The following PEA15 variants were observed in gnomAD, a reference collection of about 807,000 sequenced individuals.
PEA15 encodes the protein proliferation and apoptosis adaptor protein 15, also known as astrocytic phosphoprotein PEA-15.
For synonymous variants in PEA15, 60 were observed against 61.8 expected, an observed-to-expected ratio of 0.97 and a Z score of 0.13; for missense variants, 77 against 161.3, an observed-to-expected ratio of 0.48 and a Z score of 2.83.
chr1:160,211,211 C>T (rs573730114), intron 1 of PEA15: 31 of 819,472 alleles, frequency 3.8e-5, no homozygotes, highest in African/African-American at 5.5e-5. Context: ...GTGAGAAAGT[C>T]GGGAGCAGGT....
chr1:160,205,435 G>GGGA lies in PEA15; in HGVS notation c.-89_-88insGAG. On this transcript the variant is annotated 5_prime_UTR_variant, in exon 1 of 4. Coordinates refer to ENST00000360472, the MANE Select transcript of PEA15 (RefSeq NM_003768.5). This position sits in a 1 kb window ranked among gnomAD's most constrained non-coding sequence, Gnocchi z 5.9. ...CGGCGGCAGAAGCGGCGGCGGCGGC[G>GGGA]GCGGGAGCCGAGGAGGAGGTTCCGG... 1 of 190,514 alleles carries GGGA rather than the reference G, an allele frequency of 5.2e-6. No homozygotes were observed. Among genetic ancestry groups the GGGA allele is most frequent in the Non-Finnish European group, 1.0e-5 (1 of 96,940 alleles). The allele number at this position is 190,514 out of a possible 1,614,324, so 11.8% of individuals were successfully genotyped here. A position where few individuals can be genotyped will look rare whatever the true frequency, so the allele number is the denominator to read the frequency against.
In PEA15 at chr1:160,213,214, G is replaced by T; in HGVS notation, c.277G>T (p.Asp93Tyr). ...RTRVLKISEE[D>Y]ELDTKLTRIP... ...CCGTGTGCTGAAGATCTCTGAGGAG[G>T]ATGAGCTGGACACCAAGCTAACCCG... Residue 93 changes from aspartate (D) to tyrosine (Y), a missense_variant, in exon 3 of 4, where the codon GAT becomes TAT. Physicochemically the swap from Asp to Tyr is radical, Grantham distance 160. Coordinates refer to ENST00000360472, the MANE Select transcript of PEA15 (RefSeq NM_003768.5). This position sits in a 1 kb window ranked among gnomAD's most constrained non-coding sequence, Gnocchi z 5.3. 6.2e-7 allele frequency: 1 copy of T among 1,614,216 alleles called. No homozygotes were observed. The highest frequency in any genetic ancestry group is 8.5e-7 in the Non-Finnish European group (1 of 1,180,020).
At chr1:160,211,824 T>A in intron 2 of PEA15, 108 bp downstream of exon 2, 1 of 1,020,144 alleles carries the variant, frequency 9.8e-7, no homozygotes, top group Non-Finnish European at 1.4e-6. Context: ...TACCCCTCTA[T>A]AGCAAGGCAG....
chr1:160,211,462 G>A, intron 1 of PEA15, 81 bp from the exon 2 acceptor site: 1 of 1,455,022 alleles, frequency 6.9e-7, no homozygotes, highest in Non-Finnish European at 9.3e-7. Context: ...AGAGTGGGGA[G>A]TAGGAGGGTA....
rs1172289002 is a variant in PEA15, at chr1:160,214,346, C to A, written c.*860C>A. Reference sequence around the variant, plus strand: ...GTCCCAACTTGGTTATTGTAGGCAACCTTCCCTCTCTCCTTGGTGAAGAAC... The same window carrying A: ...GTCCCAACTTGGTTATTGTAGGCAAACTTCCCTCTCTCCTTGGTGAAGAAC... On this transcript the variant is annotated 3_prime_UTR_variant, in exon 4 of 4. Transcript: ENST00000360472. The A allele has an allele frequency of 6.6e-6, 1 of 152,638 alleles. No homozygotes were observed. The highest frequency in any genetic ancestry group is 1.9e-4 in the East Asian group (1 of 5,192). 9.5% of individuals were successfully genotyped at this position (152,638 alleles called of 1,614,324 possible).
Position 160,213,035 on chromosome 1 carries a change from G to A in PEA15, c.173-75G>A, listed in dbSNP as rs1654940421. On this transcript the variant is annotated intron_variant, in intron 2 of 3. Transcript: ENST00000360472. The surrounding 1 kb of genome is among the most constrained non-coding windows in gnomAD (Gnocchi z 5.3). ...TGTCAGCAACTCAGCTTTGGTTCCA[G>A]GTCACTAGTCTGGTGGAGTAGGGGA... The A allele has an allele frequency of 1.3e-6, 2 of 1,510,922 alleles. No individual in the cohort carries two copies. Among genetic ancestry groups the A allele is most frequent in the East Asian group, 4.5e-5 (2 of 44,142 alleles). The allele number at this position is 1,510,922 out of a possible 1,614,324, so 93.6% of individuals were successfully genotyped here.
chr1:160,213,191 G>T lies in PEA15; in HGVS notation c.254G>T (p.Arg85Leu). ...LLTMVVDYRT[R>L]VLKISEEDEL... The stretch of plus-strand genomic sequence containing the variant: ...ACTATGGTGGTTGACTACAGAACCC[G>T]TGTGCTGAAGATCTCTGAGGAGGAT... The change falls in exon 3 of 4, where the codon CGT becomes CTT. Residue 85 changes from arginine (R) to leucine (L), a missense_variant. Transcript: ENST00000360472. This position sits in a 1 kb window ranked among gnomAD's most constrained non-coding sequence, Gnocchi z 5.3. 1 of 1,614,142 alleles carries T rather than the reference G, an allele frequency of 6.2e-7. No individual in the cohort carries two copies. Among genetic ancestry groups the T allele is most frequent in the Non-Finnish European group, 8.5e-7 (1 of 1,180,008 alleles).
rs1366721431 is a variant in PEA15 at position 160,208,472 on chromosome 1, C to G, written c.-3+2950C>G. 1.3e-6 allele frequency: 1 copy of G among 798,626 alleles called. No individual in the cohort carries two copies. The highest frequency in any genetic ancestry group is 2.0e-6 in the Non-Finnish European group (1 of 489,786). The allele number at this position is 798,626 out of a possible 1,614,324, so 49.5% of individuals were successfully genotyped here. On this transcript the variant is annotated intron_variant, in intron 1 of 3. Coordinates refer to ENST00000360472, the MANE Select transcript of PEA15 (RefSeq NM_003768.5). The surrounding 1 kb of genome is among the most constrained non-coding windows in gnomAD (Gnocchi z 4.1). ...TGGTATCCTGTCCCAAGAATGGCCT[C>G]CGCCCAGACTGCCTGGTGATCCCTG...
chr1:160,208,502 G>T lies in PEA15; in HGVS notation c.-3+2980G>T. The T allele has an allele frequency of 9.4e-7, 1 of 1,067,164 alleles. No individual in the cohort carries two copies. 66.1% of individuals were successfully genotyped at this position (1,067,164 alleles called of 1,614,324 possible). ...CAGACTGCCTGGTGATCCCTGAGCA[G>T]CTCTCTGCACTGCTCCAGAAATCAG... On this transcript the variant is annotated intron_variant, in intron 1 of 3. Coordinates refer to ENST00000360472, the MANE Select transcript of PEA15 (RefSeq NM_003768.5). This position sits in a 1 kb window ranked among gnomAD's most constrained non-coding sequence, Gnocchi z 4.1.
In PEA15 at chr1:160,213,408, C is replaced by G. The variant is rs1007155040; in HGVS notation, c.329-14C>G. 1.9e-6 allele frequency: 3 copies of G among 1,613,968 alleles called. No individual in the cohort carries two copies. The highest frequency in any genetic ancestry group is 2.7e-5 in the African/African-American group (2 of 74,910). ...CACACTGCTGTCCCTGGACACATAC[C>G]TTTTTGCCCCCAGACATTATCCGGC... is the stretch of plus-strand genomic sequence containing the variant. On this transcript the variant is annotated splice_polypyrimidine_tract_variant and intron_variant, in intron 3 of 3. Coordinates refer to ENST00000360472, the MANE Select transcript of PEA15 (RefSeq NM_003768.5). The surrounding 1 kb of genome is among the most constrained non-coding windows in gnomAD (Gnocchi z 5.3).
In PEA15 at chr1:160,205,679, G is replaced by C. The variant is rs535000212; in HGVS notation, c.-3+157G>C. The C allele has an allele frequency of 2.0e-5, 3 of 152,448 alleles. No homozygotes were observed. Among genetic ancestry groups the C allele is most frequent in the South Asian group, 2.1e-4 (1 of 4,836 alleles). The allele number at this position is 152,448 out of a possible 1,614,324, so 9.4% of individuals were successfully genotyped here. ...TCAGGCCTCACGGGGTCCGTCCCTCGGTCGGTGCGTCCCGAGCGCCGAGCG... is the reference window on the plus strand; with the variant it reads ...TCAGGCCTCACGGGGTCCGTCCCTCCGTCGGTGCGTCCCGAGCGCCGAGCG... On this transcript the variant is annotated intron_variant, in intron 1 of 3. Transcript: ENST00000360472. This position sits in a 1 kb window ranked among gnomAD's most constrained non-coding sequence, Gnocchi z 5.9.
chr1:160,208,547 G>A lies in PEA15; in HGVS notation c.-2-2996G>A. The stretch of plus-strand genomic sequence containing the variant: ...AATCAGGAGGATTTTTCAGAGCCCA[G>A]AGAGCAGATTTCTCCACGAGCCCTA... On this transcript the variant is annotated intron_variant, in intron 1 of 3. Coordinates refer to ENST00000360472, the MANE Select transcript of PEA15 (RefSeq NM_003768.5). This position sits in a 1 kb window ranked among gnomAD's most constrained non-coding sequence, Gnocchi z 4.1. The A allele has an allele frequency of 1.4e-6, 2 of 1,443,650 alleles. No homozygotes were observed. Among genetic ancestry groups the A allele is most frequent in the Non-Finnish European group, 9.5e-7 (1 of 1,049,656 alleles). The allele number at this position is 1,443,650 out of a possible 1,614,324, so 89.4% of individuals were successfully genotyped here.
chr1:160,214,006 T>G lies in PEA15; in HGVS notation c.*520T>G, dbSNP rs1654990494. The G allele has an allele frequency of 6.0e-6, 1 of 167,688 alleles. No homozygotes were observed. Among genetic ancestry groups the G allele is most frequent in the African/African-American group, 2.4e-5 (1 of 41,678 alleles). 10.4% of individuals were successfully genotyped at this position (167,688 alleles called of 1,614,324 possible). Reference sequence around the variant, plus strand: ...CCATGTTTGTACTCCTGTGCTGGACTGTTTCCTGAGTACCAGCAGGTCCCT... The same window carrying G: ...CCATGTTTGTACTCCTGTGCTGGACGGTTTCCTGAGTACCAGCAGGTCCCT... On this transcript the variant is annotated 3_prime_UTR_variant, in exon 4 of 4. Coordinates refer to ENST00000360472, the MANE Select transcript of PEA15 (RefSeq NM_003768.5).
Position 160,214,613 on chromosome 1 carries a change from T to C in PEA15, c.*1127T>C, listed in dbSNP as rs1275620662. On this transcript the variant is annotated 3_prime_UTR_variant, in exon 4 of 4. Coordinates refer to ENST00000360472, the MANE Select transcript of PEA15 (RefSeq NM_003768.5). Reference sequence around the variant, plus strand: ...ACTGTGTGTACATATATATTCTACATATATGTATATTAAAACTGCACTGCC... The same window carrying C: ...ACTGTGTGTACATATATATTCTACACATATGTATATTAAAACTGCACTGCC... The C allele has an allele frequency of 6.6e-6, 1 of 152,612 alleles. No homozygotes were observed. Among genetic ancestry groups the C allele is most frequent in the African/African-American group, 2.4e-5 (1 of 41,438 alleles). The allele number at this position is 152,612 out of a possible 1,614,324, so 9.5% of individuals were successfully genotyped here.
At chr1:160,211,738 G>A (rs376905992) in intron 2 of PEA15, 22 bp downstream of exon 2, 75 of 1,606,564 alleles carry the variant, frequency 4.7e-5, no homozygotes, top group Non-Finnish European at 5.8e-5. Context: ...GAGCACAGGG[G>A]TCCTGTCATC....
chr1:160,211,443 T>C lies in PEA15; in HGVS notation c.-2-100T>C. The C allele has an allele frequency of 7.8e-6, 11 of 1,413,508 alleles. No individual in the cohort carries two copies. In the South Asian group the frequency reaches 1.8e-4, roughly 23 times the overall value. 87.6% of individuals were successfully genotyped at this position (1,413,508 alleles called of 1,614,324 possible). A position where few individuals can be genotyped will look rare whatever the true frequency, so the allele number is the denominator to read the frequency against. ...AGCCTCCATGTTCCAGGCACATGCC[T>C]GGTAGGGCAGAGTGGGGAGTAGGAG... On this transcript the variant is annotated intron_variant, in intron 1 of 3. Transcript: ENST00000360472.
At chr1:160,211,809 A>C in intron 2 of PEA15, 93 bp downstream of exon 2, 4 of 1,206,802 alleles carry the variant, frequency 3.3e-6, no homozygotes, top group Non-Finnish European at 4.8e-6. Flanking sequence ...TACATCCACA[A>C]TGTGTACCCC....
At chr1:160,207,121 CT>C (rs2101688798) in intron 1 of PEA15, 1 of 152,712 alleles carries the variant, frequency 6.5e-6, no homozygotes, top group South Asian at 2.1e-4. Context: ...CTTACTCTGT[CT>C]TTTGTAGCAG....
chr1:160,205,420 A>AGCGGCGGCGGCG lies in PEA15; in HGVS notation c.-97_-86dup, dbSNP rs17551437. ...CGGAAGAGGCGGCGGCGGCGGCAGA[A>AGCGGCGGCGGCG]GCGGCGGCGGCGGCGGCGGGAGCCG... is the stretch of plus-strand genomic sequence containing the variant. On this transcript the variant is annotated 5_prime_UTR_variant, in exon 1 of 4. Coordinates refer to ENST00000360472, the MANE Select transcript of PEA15 (RefSeq NM_003768.5). This position sits in a 1 kb window ranked among gnomAD's most constrained non-coding sequence, Gnocchi z 5.9. The AGCGGCGGCGGCG allele has an allele frequency of 1.6e-5, 3 of 182,304 alleles. No homozygotes were observed. Among genetic ancestry groups the AGCGGCGGCGGCG allele is most frequent in the East Asian group, 1.7e-4 (1 of 5,856 alleles). 11.3% of individuals were successfully genotyped at this position (182,304 alleles called of 1,614,324 possible).
Sources: gnomAD v4.1 joint callset for allele counts on GRCh38, gnomAD v4.1.1 for gene constraint, Gnocchi (gnomAD v3.1) non-coding constraint, MANE v1.5 for transcripts, NCBI Gene and HGNC (gene_info 2026-07-23, HGNC 2026-07-21) for gene names.